HNRNPA1: variants seen among roughly 807,000 people sequenced by gnomAD.
HNRNPA1 encodes the protein heterogeneous nuclear ribonucleoprotein A1, also known as epididymis secretory sperm binding protein.
A neutral mutation model predicts 44.4 loss-of-function variants in HNRNPA1; 7 were observed. The observed-to-expected ratio is 0.16, with a 90% CI of 0.09 to 0.30. HNRNPA1 has a LOEUF of 0.30. Among genes scored for constraint, HNRNPA1 ranks in the 10% least tolerant of loss-of-function variants. The pLI, the probability that HNRNPA1 is intolerant of heterozygous loss-of-function variation, is 1.00. For missense variants in HNRNPA1, 193 were observed against 465.8 expected (o/e 0.41, Z 5.39); for synonymous variants, 169 against 160.6 (o/e 1.05, Z -0.40).
Position 54,281,422 on chromosome 12 carries a change from A to G in HNRNPA1, c.52A>G (p.Ile18Val). 6.2e-7 allele frequency: 1 copy of G among 1,609,552 alleles called. No individual in the cohort carries two copies. The highest frequency in any genetic ancestry group is 8.5e-7 in the Non-Finnish European group (1 of 1,176,944). Residue 18 changes from isoleucine to valine, a missense_variant, in exon 2 of 11, where the codon ATT (isoleucine) becomes GTT (valine). Coordinates refer to ENST00000340913, the MANE Select transcript of HNRNPA1 (RefSeq NM_031157.4). ...GCCCGAACAGCTGAGGAAGCTCTTC[A>G]TTGGAGGGTTGAGCTTTGAAACAAC... ...KEPEQLRKLF[I>V]GGLSFETTDE...
chr12:54,280,807 C>A lies in HNRNPA1; in HGVS notation c.-1C>A, dbSNP rs1195018892. On this transcript the variant is annotated 5_prime_UTR_variant, in exon 1 of 11. Coordinates refer to ENST00000340913, the MANE Select transcript of HNRNPA1 (RefSeq NM_031157.4). The stretch of plus-strand genomic sequence containing the variant: ...TTAAAGTCTCTCTTCACCCTGCCGT[C>A]ATGTCTAAGTCAGAGGTGAGTTAGG... The A allele has an allele frequency of 6.2e-7, 1 of 1,614,204 alleles. No homozygotes were observed. Among genetic ancestry groups the A allele is most frequent in the East Asian group, 2.2e-5 (1 of 44,882 alleles).
chr12:54,282,922 C>T (rs1455406066), intron 7 of HNRNPA1, 48 bp downstream of exon 7: 12 of 1,511,576 alleles, frequency 7.9e-6, no homozygotes, highest in Non-Finnish European at 9.8e-6. Flanking sequence ...CAACCTGGAT[C>T]TTTAGAATAG....
intron 2 of HNRNPA1, 51 bp downstream of exon 2, chr12:54,281,553 T>C (rs780816260): frequency 1.5e-5 from 19 of 1,306,626 alleles, no homozygotes; most frequent in Non-Finnish European, 2.0e-5. Context: ...CCTTGGCTTA[T>C]CTTGGTGCAG....
chr12:54,281,138 G>A (rs1190760953), intron 1 of HNRNPA1: 1 of 699,622 alleles, frequency 1.4e-6, no homozygotes, highest in Admixed American at 2.0e-5. Context: ...TTGTGGAGAT[G>A]CACCCCTACC....
In HNRNPA1 at chr12:54,285,772, A is replaced by AT. The variant is rs1944255245; in HGVS notation, c.*1231dup. On this transcript the variant is annotated 3_prime_UTR_variant, in exon 11 of 11. Transcript: ENST00000340913. ...GAGCCTTACCTTTGGTGCTCTCTCA[A>AT]TTTCAGTGCTATTGTACCTAGTAGC... The AT allele has an allele frequency of 6.6e-6, 1 of 151,240 alleles. No individual in the cohort carries two copies. Among genetic ancestry groups the AT allele is most frequent in the Non-Finnish European group, 1.5e-5 (1 of 67,912 alleles). 9.4% of individuals were successfully genotyped at this position (151,240 alleles called of 1,614,324 possible). A position where few individuals can be genotyped will look rare whatever the true frequency, so the allele number is the denominator to read the frequency against.
chr12:54,280,999 G>A, intron 1 of HNRNPA1, 177 bp downstream of exon 1: 1 of 736,908 alleles, frequency 1.4e-6, no homozygotes. Context: ...CCATGAGGCC[G>A]CTCTCCGCCA....
chr12:54,281,355 C>A, intron 1 of HNRNPA1, 31 bp from the exon 2 acceptor site: 2 of 1,166,264 alleles, frequency 1.7e-6, no homozygotes, highest in Admixed American at 1.9e-5. Context: ...TGTTGTAGCC[C>A]ATTTAACACT....
rs555279216 is a variant in HNRNPA1 at position 54,283,224 on chromosome 12, C to T, written c.897C>T (p.Gly299=). 58 of 1,610,322 alleles carry T rather than the reference C, an allele frequency of 3.6e-5. No homozygotes were observed. The highest frequency in any genetic ancestry group is 3.0e-4 in the Admixed American group (18 of 59,228). ...SYNNGGGGGF[G]GGSGSNFGGG... ...ACAACGGAGGCGGAGGCGGCTTTGG[C>T]GGTGGTAGTGGTAGGTATCCAGTGA... Residue 299 remains glycine, a synonymous_variant, in exon 8 of 11, where the codon GGC becomes GGT. Coordinates refer to ENST00000340913, the MANE Select transcript of HNRNPA1 (RefSeq NM_031157.4).
chr12:54,283,161 C>A lies in HNRNPA1; in HGVS notation c.834C>A (p.Gly278=). The change falls in exon 8 of 11, where the codon GGC becomes GGA. Residue 278 remains glycine, a synonymous_variant. Coordinates refer to ENST00000340913, the MANE Select transcript of HNRNPA1 (RefSeq NM_031157.4). ...GTGGACAGGGTTATGGAAACCAGGG[C>A]AGTGGCTATGGCGGGAGTGGCAGCT... ...GSGGQGYGNQ[G]SGYGGSGSYD... 2 of 1,613,530 alleles carry A rather than the reference C, an allele frequency of 1.2e-6. No individual in the cohort carries two copies. The highest frequency in any genetic ancestry group is 1.7e-6 in the Non-Finnish European group (2 of 1,179,704).
chr12:54,283,349 A>G, intron 8 of HNRNPA1, 115 bp downstream of exon 8: 1 of 1,208,520 alleles, frequency 8.3e-7, no homozygotes, highest in African/African-American at 1.5e-5. Flanking sequence ...TTAAAAACAA[A>G]TGGGCTTGCT....
Position 54,285,080 on chromosome 12 carries a change from A to C in HNRNPA1, c.*536A>C, listed in dbSNP as rs181507184. On this transcript the variant is annotated 3_prime_UTR_variant, in exon 11 of 11. Coordinates refer to ENST00000340913, the MANE Select transcript of HNRNPA1 (RefSeq NM_031157.4). ...TGTTGTGACCTGAAGTTCACCATTAAAAGGGATTACCCAAGCAAAATCATG... is the reference window on the plus strand; with the variant it reads ...TGTTGTGACCTGAAGTTCACCATTACAAGGGATTACCCAAGCAAAATCATG... 1 of 164,624 alleles carries C rather than the reference A, an allele frequency of 6.1e-6. No homozygotes were observed. Among genetic ancestry groups the C allele is most frequent in the Non-Finnish European group, 1.3e-5 (1 of 74,762 alleles). The allele number at this position is 164,624 out of a possible 1,614,324, so 10.2% of individuals were successfully genotyped here. A position where few individuals can be genotyped will look rare whatever the true frequency, so the allele number is the denominator to read the frequency against.
Position 54,286,281 on chromosome 12 carries a change from G to A in HNRNPA1, c.*1737G>A, listed in dbSNP as rs1944261284. The A allele has an allele frequency of 6.6e-6, 1 of 152,106 alleles. No individual in the cohort carries two copies. Among genetic ancestry groups the A allele is most frequent in the African/African-American group, 2.4e-5 (1 of 41,402 alleles). The allele number at this position is 152,106 out of a possible 1,614,324, so 9.4% of individuals were successfully genotyped here. On this transcript the variant is annotated 3_prime_UTR_variant, in exon 11 of 11. Transcript: ENST00000340913. ...AGGAGGAAAGGTTTTATTGCTATGC[G>A]GGTAGGTAAGAACAGATTTTACTTA...
rs768303840 is a variant in HNRNPA1, at chr12:54,282,137, T to C, written c.327T>C (p.Val109=). 1.2e-6 allele frequency: 2 copies of C among 1,607,626 alleles called. No individual in the cohort carries two copies. The highest frequency in any genetic ancestry group is 1.1e-5 in the South Asian group (1 of 90,944). The change falls in exon 4 of 11, where the codon GTT becomes GTC. Residue 109 remains valine, a synonymous_variant. Coordinates refer to ENST00000340913, the MANE Select transcript of HNRNPA1 (RefSeq NM_031157.4). ...ACTTAACTGTGAAAAAGATATTTGT[T>C]GGTGGCATTAAAGAAGACACTGAAG... The part of the protein sequence containing the change: ...GAHLTVKKIF[V]GGIKEDTEEH...
At position 54,284,853 on chromosome 12, in the gene HNRNPA1, G is replaced by A. The variant is rs558097327; in HGVS notation, c.*309G>A. ...GATTGCTAAATGTAACAGTCTGATCGTGACGCTGAATAAATGTCTTTTTTT... is the reference window on the plus strand; with the variant it reads ...GATTGCTAAATGTAACAGTCTGATCATGACGCTGAATAAATGTCTTTTTTT... On this transcript the variant is annotated 3_prime_UTR_variant, in exon 11 of 11. Coordinates refer to ENST00000340913, the MANE Select transcript of HNRNPA1 (RefSeq NM_031157.4). The A allele has an allele frequency of 1.3e-5, 4 of 317,256 alleles. No homozygotes were observed. Among genetic ancestry groups the A allele is most frequent in the East Asian group, 8.0e-5 (1 of 12,458 alleles). 19.7% of individuals were successfully genotyped at this position (317,256 alleles called of 1,614,324 possible).
rs1203734273 is a variant in HNRNPA1 at position 54,285,541 on chromosome 12, A to G, written c.*997A>G. ...GGTTGGGTGGGCCTTCAGAGGTTCT[A>G]TCAGTTAACTATACTAATTAATTTG... On this transcript the variant is annotated 3_prime_UTR_variant, in exon 11 of 11. Transcript: ENST00000340913. The G allele has an allele frequency of 2.0e-5, 3 of 152,228 alleles. No individual in the cohort carries two copies. The highest frequency in any genetic ancestry group is 4.4e-5 in the Non-Finnish European group (3 of 68,038). 9.4% of individuals were successfully genotyped at this position (152,228 alleles called of 1,614,324 possible).
chr12:54,280,884 G>A, intron 1 of HNRNPA1, 62 bp downstream of exon 1: 1 of 1,580,204 alleles, frequency 6.3e-7, no homozygotes, highest in Non-Finnish European at 8.7e-7. Context: ...TCGGTAAGAT[G>A]CTGCTGGGTT....
At position 54,286,823 on chromosome 12, in the gene HNRNPA1, C is replaced by A. The variant is rs895262572; in HGVS notation, c.*2279C>A. 1.3e-5 allele frequency: 2 copies of A among 152,182 alleles called. No homozygotes were observed. Among genetic ancestry groups the A allele is most frequent in the African/African-American group, 2.4e-5 (1 of 41,436 alleles). 9.4% of individuals were successfully genotyped at this position (152,182 alleles called of 1,614,324 possible). ...AGCTGTACCTTAAACCAAAACACTT[C>A]GTAATCTCATCCAATTGCAAAAAGA... On this transcript the variant is annotated 3_prime_UTR_variant, in exon 11 of 11. Coordinates refer to ENST00000340913, the MANE Select transcript of HNRNPA1 (RefSeq NM_031157.4).
At position 54,285,867 on chromosome 12, in the gene HNRNPA1, A is replaced by T. The variant is rs1164978480; in HGVS notation, c.*1323A>T. On this transcript the variant is annotated 3_prime_UTR_variant, in exon 11 of 11. Coordinates refer to ENST00000340913, the MANE Select transcript of HNRNPA1 (RefSeq NM_031157.4). ...GTGTGTTGGAAGTTTGGGGAGGAGG[A>T]GGGTGGTGGGAGGTGGGTGGGAGGT... The T allele has an allele frequency of 3.8e-4, 1 of 2,642 alleles. No homozygotes were observed. Among genetic ancestry groups the T allele is most frequent in the Admixed American group, 5.8e-3 (1 of 172 alleles). 0.2% of individuals were successfully genotyped at this position (2,642 alleles called of 1,614,324 possible). A position where few individuals can be genotyped will look rare whatever the true frequency, so the allele number is the denominator to read the frequency against.
rs1944203593 is a variant in HNRNPA1 at position 54,283,073 on chromosome 12, T to G, written c.752-6T>G. 1.2e-6 allele frequency: 2 copies of G among 1,612,294 alleles called. No individual in the cohort carries two copies. Among genetic ancestry groups the G allele is most frequent in the African/African-American group, 2.7e-5 (2 of 74,882 alleles). On this transcript the variant is annotated splice_region_variant and splice_polypyrimidine_tract_variant and intron_variant, in intron 7 of 10. Coordinates refer to ENST00000340913, the MANE Select transcript of HNRNPA1 (RefSeq NM_031157.4). ...TGTCTTATTGAGAAGAATTGTATTC[T>G]TGTAGGTGGTTATGGAGGAGGCGGC...
Sources: gnomAD v4.1 joint callset for allele counts on GRCh38, gnomAD v4.1.1 for gene constraint, MANE v1.5 for transcripts, NCBI Gene and HGNC (gene_info 2026-07-23, HGNC 2026-07-21) for gene names.